FRMD3: variants seen among roughly 807,000 people sequenced by gnomAD.
FRMD3 encodes the protein FERM domain containing 3.
A neutral mutation model predicts 70.2 loss-of-function variants in FRMD3; 33 were observed. The observed-to-expected ratio is 0.47, with a 90% confidence interval of 0.36 to 0.63. The LOEUF is 0.63. FRMD3 is among the 20% of genes least tolerant of loss of function. The pLI is 0.00. For synonymous variants in FRMD3, 279 were observed against 255.9 expected, an observed-to-expected ratio of 1.09 and a Z score of -0.86; for missense variants, 632 against 711.4, an observed-to-expected ratio of 0.89 and a Z score of 1.27.
the FRMD3 span, among the ~76,000 whole-genome samples, chr9:83,579,854 G>A: frequency 6.6e-6 from 1 of 151,940 alleles, no homozygotes; most frequent in African/African-American, 2.4e-5. Context: ...AGACATCTTT[G>A]CAACTATGCA....
intron 1 of FRMD3, among the ~76,000 whole-genome samples, chr9:83,398,122 A>T (rs2131313010): frequency 6.6e-6 from 1 of 152,222 alleles, no homozygotes; most frequent in East Asian, 1.9e-4. Flanking sequence ...ATTCTGCTAT[A>T]AAAAAACTCA....
intron 11 of FRMD3, 96 bp from the exon 12 acceptor site, chr9:83,298,912 G>T: frequency 1.6e-6 from 2 of 1,244,992 alleles, no homozygotes; most frequent in South Asian, 1.2e-5. Context: ...ACAGGTGTCT[G>T]ACCCAGCTAT....
At chr9:83,507,539 G>A (rs1421221366) in intron 1 of FRMD3, among the ~76,000 whole-genome samples, 4 of 146,452 alleles carry the variant, frequency 2.7e-5, no homozygotes, top group African/African-American at 7.5e-5. Context: ...GTGTGGTGGC[G>A]GGCGCCTGTA....
intron 1 of FRMD3, among the ~76,000 whole-genome samples, chr9:83,515,569 C>A (rs1281437723): frequency 1.3e-5 from 2 of 152,146 alleles, no homozygotes; most frequent in Non-Finnish European, 2.9e-5. Context: ...AGGAGAACTT[C>A]CCCAACCTAG....
At chr9:83,476,884 T>C (rs191648544) in intron 1 of FRMD3, among the ~76,000 whole-genome samples, 1 of 152,330 alleles carries the variant, frequency 6.6e-6, no homozygotes. Context: ...ATTTAGGTAA[T>C]TTTTTGGTGA....
At chr9:83,407,837 G>GTCTCTCTCTCTCCCTCTCTCTCTC (rs1826150943) in intron 1 of FRMD3, among the ~76,000 whole-genome samples, 2 of 103,600 alleles carry the variant, frequency 1.9e-5, no homozygotes, top group Non-Finnish European at 3.8e-5. Flanking sequence ...GGGTTGTTGA[G>GTCTCTCTCTCTCCCTCTCTCTCTC]TCTCTCTCTC....
the FRMD3 span, among the ~76,000 whole-genome samples, chr9:83,576,359 A>G: frequency 6.6e-6 from 1 of 152,106 alleles, no homozygotes; most frequent in South Asian, 2.1e-4. Flanking sequence ...TGGTAAAACT[A>G]CTCAGGAAAC....
At chr9:83,423,229 T>G (rs760341284) in intron 1 of FRMD3, among the ~76,000 whole-genome samples, 4 of 152,208 alleles carry the variant, frequency 2.6e-5, no homozygotes, top group Admixed American at 6.5e-5. Flanking sequence ...TGCAGGTGTT[T>G]CATTGTTAAG....
chr9:83,387,242 T>C (rs571502233), intron 2 of FRMD3, among the ~76,000 whole-genome samples: 1 of 152,340 alleles, frequency 6.6e-6, no homozygotes, highest in South Asian at 2.1e-4. Flanking sequence ...AATTCTTCTG[T>C]ATGGAAGAGC....
intron 13 of FRMD3, among the ~76,000 whole-genome samples, chr9:83,251,015 G>C (rs1832387705): frequency 6.6e-6 from 1 of 152,230 alleles, no homozygotes. Context: ...AAAGAGGTCA[G>C]ACTGCTTCTT....
chr9:83,471,854 T>A (rs939634778), intron 1 of FRMD3, among the ~76,000 whole-genome samples: 1 of 152,230 alleles, frequency 6.6e-6, no homozygotes, highest in Non-Finnish European at 1.5e-5. Flanking sequence ...CGTCCCACAC[T>A]GGACTTGGAG....
chr9:83,547,488 C>T, the FRMD3 span, among the ~76,000 whole-genome samples: 3 of 151,666 alleles, frequency 2.0e-5, no homozygotes, highest in African/African-American at 7.3e-5. Context: ...GAAGATATAA[C>T]AATTCTAAAT....
intron 1 of FRMD3, among the ~76,000 whole-genome samples, chr9:83,464,793 C>T (rs185790827): frequency 2.7e-4 from 41 of 152,098 alleles, no homozygotes; most frequent in Non-Finnish European, 4.6e-4. Flanking sequence ...CCAAGGTGGG[C>T]GGACCACTTG....
At chr9:83,421,805 T>G (rs1826651489) in intron 1 of FRMD3, among the ~76,000 whole-genome samples, 1 of 152,204 alleles carries the variant, frequency 6.6e-6, no homozygotes, top group Non-Finnish European at 1.5e-5. Flanking sequence ...GGCCTTATCT[T>G]AAATGTAAGG....
At chr9:83,348,709 C>G (rs1824043882) in intron 4 of FRMD3, among the ~76,000 whole-genome samples, 1 of 152,090 alleles carries the variant, frequency 6.6e-6, no homozygotes, top group Non-Finnish European at 1.5e-5. Flanking sequence ...TTATCTATTA[C>G]CCTCATTTCC....
chr9:83,523,029 GTGTC>G (rs1182759216), intron 1 of FRMD3, among the ~76,000 whole-genome samples: 6 of 152,148 alleles, frequency 3.9e-5, no homozygotes, highest in African/African-American at 9.7e-5. Flanking sequence ...ATCTGTTTAT[GTGTC>G]TGTCTGTCTT....
chr9:83,391,523 G>A (rs1472076193), intron 1 of FRMD3, among the ~76,000 whole-genome samples: 1 of 152,216 alleles, frequency 6.6e-6, no homozygotes, highest in African/African-American at 2.4e-5. Flanking sequence ...TCAAGGCAGT[G>A]CATTGTAATA....
At chr9:83,250,647 G>A (rs75661208) in intron 13 of FRMD3, among the ~76,000 whole-genome samples, 6,808 of 152,244 alleles carry the variant, frequency 0.045, 623 homozygotes, top group East Asian at 0.42. Context: ...ATGCAGCTTA[G>A]TTGACTCAGT....
intron 3 of FRMD3, among the ~76,000 whole-genome samples, chr9:83,368,837 T>G (rs921632648): frequency 6.6e-6 from 1 of 152,150 alleles, no homozygotes; most frequent in African/African-American, 2.4e-5. Context: ...TATATATCTT[T>G]AGATCTACTT....
Sources: allele counts gnomAD v4.1 joint callset (sites outside exome capture counted in the v4.1 genomes callset), GRCh38; gene constraint gnomAD v4.1.1; transcripts MANE v1.5; gene names NCBI Gene and HGNC (gene_info 2026-07-23, HGNC 2026-07-21).